GPR35: variants seen among roughly 807,000 people sequenced by gnomAD.
GPR35 encodes KYNA receptor.
For synonymous variants in GPR35, 207 were observed against 198.4 expected, an observed-to-expected ratio of 1.04 and a Z score of -0.36; for missense variants, 372 against 422.5, an observed-to-expected ratio of 0.88 and a Z score of 1.05.
intron 1 of GPR35, among the ~76,000 whole-genome samples, chr2:240,625,949 T>G (rs75771840): frequency 3.0e-3 from 109 of 36,340 alleles, no homozygotes; most frequent in African/African-American, 3.8e-3. Context: ...CTGTGATGGG[T>G]TCTCAGAGCA....
chr2:240,626,357 G>A (rs1306211194), intron 1 of GPR35, among the ~76,000 whole-genome samples: 6 of 151,312 alleles, frequency 4.0e-5, no homozygotes, highest in Non-Finnish European at 8.8e-5. Context: ...AGGCTGTGAC[G>A]GGGTCTCAGA....
At chr2:240,616,737 A>G (rs1016545394) in intron 3 of GPR35, among the ~76,000 whole-genome samples, 1 of 111,370 alleles carries the variant, frequency 9.0e-6, no homozygotes, top group Non-Finnish European at 1.8e-5. Context: ...AACAAACAAT[A>G]CAGTAAAAAA....
chr2:240,611,945 A>G (rs2043185839), intron 2 of GPR35, among the ~76,000 whole-genome samples: 1 of 152,126 alleles, frequency 6.6e-6, no homozygotes, highest in Non-Finnish European at 1.5e-5. Context: ...GCAGGACAGT[A>G]GAGATGAAAG....
At chr2:240,617,240 T>C (rs1433208489) in exon 4 of GPR35, 3 of 662,210 alleles carry the variant, frequency 4.5e-6, no homozygotes, top group African/African-American at 1.8e-5. Flanking sequence ...TCCTCGTAGC[T>C]GAGCCTTCTG....
intron 1 of GPR35, among the ~76,000 whole-genome samples, chr2:240,626,775 C>G (rs1252672156): frequency 6.6e-6 from 1 of 152,090 alleles, no homozygotes; most frequent in East Asian, 1.9e-4. Context: ...CTGCGTGCCC[C>G]CACGTCTTCA....
chr2:240,613,798 C>A (rs1405779378), intron 2 of GPR35, among the ~76,000 whole-genome samples: 2 of 150,008 alleles, frequency 1.3e-5, no homozygotes, highest in East Asian at 4.0e-4. Flanking sequence ...CTAACTCAAC[C>A]CAAACCTTAA....
upstream of GPR35, among the ~76,000 whole-genome samples, chr2:240,622,012 A>G (rs2043301269): frequency 6.6e-6 from 1 of 151,462 alleles, no homozygotes; most frequent in Admixed American, 6.6e-5. Flanking sequence ...AGCTGGGATT[A>G]CAGGCATGCA....
chr2:240,610,958 G>A (rs4676414), intron 2 of GPR35, among the ~76,000 whole-genome samples: 123,488 of 150,740 alleles, frequency 0.82, 50,676 homozygotes, highest in East Asian at 0.97. Context: ...TTTGAGATGA[G>A]GTCTCACTGT....
At chr2:240,606,970 T>A (rs917275155) in intron 2 of GPR35, among the ~76,000 whole-genome samples, 1 of 152,124 alleles carries the variant, frequency 6.6e-6, no homozygotes, top group African/African-American at 2.4e-5. Context: ...ACTAAAAAGT[T>A]GTTGCAGACA....
intron 2 of GPR35, among the ~76,000 whole-genome samples, chr2:240,614,327 C>G (rs1049027525): frequency 6.6e-6 from 1 of 152,220 alleles, no homozygotes; most frequent in Non-Finnish European, 1.5e-5. Context: ...AATTCTAACC[C>G]TAACTCCAAT....
At chr2:240,627,744 G>A (rs1224758824) in intron 1 of GPR35, 1 of 148,952 alleles carries the variant, frequency 6.7e-6, no homozygotes, top group Non-Finnish European at 1.5e-5. Context: ...CAAAGTGTTG[G>A]GATTACAGGC....
At chr2:240,625,970 G>A (rs201760729) in intron 1 of GPR35, among the ~76,000 whole-genome samples, 1,117 of 10,176 alleles carry the variant, frequency 0.11, 1 homozygote, top group African/African-American at 0.16. Context: ...GGGTGAGGCT[G>A]TGATGGGTTC....
chr2:240,621,100 G>A (rs745568593), upstream of GPR35, among the ~76,000 whole-genome samples: 1 of 152,206 alleles, frequency 6.6e-6, no homozygotes, highest in Non-Finnish European at 1.5e-5. Flanking sequence ...CTCTCTCGGG[G>A]TCCACAACTG....
At chr2:240,612,856 GC>G (rs2043197106) in intron 2 of GPR35, among the ~76,000 whole-genome samples, 1 of 152,248 alleles carries the variant, frequency 6.6e-6, no homozygotes, top group African/African-American at 2.4e-5. Context: ...CCACATCCCA[GC>G]CTGCAGGGCC....
intron 1 of GPR35, chr2:240,627,354 C>T (rs1373303759): frequency 6.6e-6 from 1 of 152,256 alleles, no homozygotes; most frequent in Non-Finnish European, 1.5e-5. Flanking sequence ...GAACAGGGCA[C>T]TTCTTCGAAG....
At chr2:240,610,848 A>G (rs1344619245) in intron 2 of GPR35, among the ~76,000 whole-genome samples, 6 of 148,574 alleles carry the variant, frequency 4.0e-5, no homozygotes, top group Non-Finnish European at 8.9e-5. Flanking sequence ...GTTAGCCAGG[A>G]TGGTCTTGAT....
upstream of GPR35, among the ~76,000 whole-genome samples, chr2:240,621,256 T>C (rs780205432): frequency 6.6e-6 from 1 of 152,016 alleles, no homozygotes; most frequent in Admixed American, 6.6e-5. Context: ...TTCTTATTTA[T>C]TTATTTATTT....
At chr2:240,607,450 C>T (rs543827666) in intron 2 of GPR35, 3 of 152,272 alleles carry the variant, frequency 2.0e-5, no homozygotes, top group Non-Finnish European at 1.5e-5. Flanking sequence ...CTTGGCCTCC[C>T]GGAGTGCTGG....
In GPR35 at chr2:240,631,096, C is replaced by A. The variant is rs954243866; in HGVS notation, c.*214C>A. On this transcript the variant is annotated 3_prime_UTR_variant, in exon 2 of 2. Coordinates refer to ENST00000407714, the MANE Select transcript of GPR35 (RefSeq NM_005301.5). ...AAGGGCAAGAGGACTGAGGCCAGAG[C>A]AAGGCCAATGTCAGAGACCCCCGGG... 4 of 596,690 alleles carry A rather than the reference C, an allele frequency of 6.7e-6. No individual in the cohort carries two copies. Among genetic ancestry groups the A allele is most frequent in the Non-Finnish European group, 1.2e-5 (4 of 327,262 alleles). The allele number at this position is 596,690 out of a possible 1,614,324, so 37.0% of individuals were successfully genotyped here. A position where few individuals can be genotyped will look rare whatever the true frequency, so the allele number is the denominator to read the frequency against.
Sources: allele counts gnomAD v4.1 joint callset (sites outside exome capture counted in the v4.1 genomes callset), GRCh38; gene constraint gnomAD v4.1.1; transcripts MANE v1.5; gene names NCBI Gene and HGNC (gene_info 2026-07-23, HGNC 2026-07-21).